Variants in COL2A1 observed in about 807,000 individuals in gnomAD.
The protein encoded by COL2A1 is collagen type II alpha 1 chain, also known as collagen alpha-1(II) chain.
COL2A1 carries 28 observed loss-of-function variants against 204.5 expected under a neutral mutation model. That is an observed-to-expected ratio of 0.14 (90% confidence interval 0.10 to 0.19). COL2A1 has a LOEUF of 0.19. Among genes scored for constraint, COL2A1 ranks in the 10% least tolerant of loss-of-function variants. COL2A1 has a pLI of 1.00. For synonymous variants in COL2A1, 708 were observed against 718.7 expected (o/e 0.99, Z 0.24); for missense variants, 1,388 against 2,027.5 (o/e 0.68, Z 6.06).
At chr12:47,997,746 G>C in intron 6 of COL2A1, 39 bp from the exon 7 acceptor site, 1 of 1,613,938 alleles carries the variant, frequency 6.2e-7, no homozygotes, top group South Asian at 1.1e-5. Flanking sequence ...GGGAAGCAGT[G>C]TTTCTCCAAG....
At chr12:48,001,023 C>T (rs998029993) in intron 1 of COL2A1, 2 of 152,296 alleles carry the variant, frequency 1.3e-5, no homozygotes, top group African/African-American at 4.8e-5. Context: ...GGCCTGGCCT[C>T]CTCCAAGACT....
chr12:47,987,145 A>T lies in COL2A1; in HGVS notation c.1298T>A (p.Phe433Tyr). The change falls in exon 21 of 54, where the codon TTC becomes TAC. Residue 433 changes from phenylalanine (F) to tyrosine (Y), a missense_variant. Phe to Tyr is a conservative substitution (Grantham distance 22, BLOSUM62 3). Around this residue, in one of 3 missense-constraint regions of COL2A1, gnomAD observed 884 missense variants for 1,415.8 expected, o/e 0.62. Transcript: ENST00000380518. This position sits in a 1 kb window ranked among gnomAD's most constrained non-coding sequence, Gnocchi z 4.1. Reference protein sequence around the residue: ...GAPGIAGAPGFPGPRGPPGPQ... With the variant: ...GAPGIAGAPGYPGPRGPPGPQ... ...GCCAGGAGGGCCCCGTGGCCCAGGG[A>T]AGCCAGGAGCACCAGCAATGCCAGG... The T allele has an allele frequency of 6.2e-7, 1 of 1,614,052 alleles. No individual in the cohort carries two copies. Among genetic ancestry groups the T allele is most frequent in the South Asian group, 1.1e-5 (1 of 91,084 alleles).
At position 47,998,080 on chromosome 12, in the gene COL2A1, C is replaced by A. The variant is rs771642342; in HGVS notation, c.343-16G>T. 6.2e-7 allele frequency: 1 copy of A among 1,614,190 alleles called. No homozygotes were observed. The highest frequency in any genetic ancestry group is 8.5e-7 in the Non-Finnish European group (1 of 1,180,030). ...GTCCTACAATCTGTGAGAGAGAGCC[C>A]CACAGGATGGTAAGTTAGAGGAGAG... On this transcript the variant is annotated splice_polypyrimidine_tract_variant and intron_variant, in intron 4 of 53. Coordinates refer to ENST00000380518, the MANE Select transcript of COL2A1 (RefSeq NM_001844.5).
Position 47,987,386 on chromosome 12 carries a change from A to T in COL2A1, c.1222-73T>A. ...CCACCTCCAGCCCTCCAGGATCCAGATCCAGGGACCTGGCATAGGTGCTGT... is the reference window on the plus strand; with the variant it reads ...CCACCTCCAGCCCTCCAGGATCCAGTTCCAGGGACCTGGCATAGGTGCTGT... On this transcript the variant is annotated intron_variant, in intron 19 of 53. Coordinates refer to ENST00000380518, the MANE Select transcript of COL2A1 (RefSeq NM_001844.5). This position sits in a 1 kb window ranked among gnomAD's most constrained non-coding sequence, Gnocchi z 4.1. The T allele has an allele frequency of 6.6e-7, 1 of 1,511,194 alleles. No homozygotes were observed. 93.6% of individuals were successfully genotyped at this position (1,511,194 alleles called of 1,614,324 possible). A position where few individuals can be genotyped will look rare whatever the true frequency, so the allele number is the denominator to read the frequency against.
intron 16 of COL2A1, among the ~76,000 whole-genome samples, chr12:47,991,889 G>C (rs1431777435): frequency 6.6e-6 from 1 of 152,102 alleles, no homozygotes; most frequent in African/African-American, 2.4e-5. Context: ...CACTTCAGCA[G>C]CTCTGGCTGA....
upstream of COL2A1, among the ~76,000 whole-genome samples, chr12:48,005,009 G>T (rs967531108): frequency 4.6e-5 from 7 of 152,192 alleles, no homozygotes; most frequent in Non-Finnish European, 8.8e-5. Flanking sequence ...TTGGAGACAG[G>T]CTAGCTGAGC....
At chr12:47,996,767 AC>A (rs1939985370) in intron 7 of COL2A1, 142 bp from the exon 8 acceptor site, 1 of 777,054 alleles carries the variant, frequency 1.3e-6, no homozygotes, top group African/African-American at 1.7e-5. Context: ...GATCAGAATT[AC>A]CACTGATGCC....
chr12:47,992,744 C>T, intron 16 of COL2A1, 134 bp downstream of exon 16: 2 of 921,794 alleles, frequency 2.2e-6, no homozygotes, highest in Non-Finnish European at 3.5e-6. Flanking sequence ...TTGATGGGCA[C>T]ACTGGGGGTG....
chr12:47,993,285 A>C (rs866936289), intron 15 of COL2A1, among the ~76,000 whole-genome samples, 173 bp downstream of exon 15: 24 of 152,210 alleles, frequency 1.6e-4, no homozygotes, highest in African/African-American at 5.5e-4. Flanking sequence ...TATCTTAAGG[A>C]AATGTTGGTG....
chr12:47,997,618 A>G lies in COL2A1; in HGVS notation c.519T>C (p.Pro173=). Residue 173 remains proline (P), a synonymous_variant, in exon 7 of 54, where the codon CCT becomes CCC. Transcript: ENST00000380518. ...TAAGGATACTTACTCCACCAAGACC[A>G]GGGGGACCAGGGGGGCCGGGAGGAC... The part of the protein sequence containing the change: ...PPGPPGPPGP[P]GLGGNFAAQM... 6.2e-7 allele frequency: 1 copy of G among 1,613,820 alleles called. No individual in the cohort carries two copies. Among genetic ancestry groups the G allele is most frequent in the Non-Finnish European group, 8.5e-7 (1 of 1,179,934 alleles).
Position 47,976,834 on chromosome 12 carries a change from A to T in COL2A1, c.3413T>A (p.Leu1138Gln). 3 of 1,613,434 alleles carry T rather than the reference A, an allele frequency of 1.9e-6. No homozygotes were observed. The highest frequency in any genetic ancestry group is 1.7e-6 in the Non-Finnish European group (2 of 1,179,800). ...GLKGHRGFTG[L>Q]QGLPGPPGPS... ...CACAGGAGGGCCGGGCAGACCCTGCAGACCAGTGAAGCCACGGTGTCCCTT... is the reference window on the plus strand; with the variant it reads ...CACAGGAGGGCCGGGCAGACCCTGCTGACCAGTGAAGCCACGGTGTCCCTT... The change falls in exon 48 of 54, where the codon CTG becomes CAG. Residue 1138 changes from leucine to glutamine, a missense_variant. By Grantham distance (113) the Leu-to-Gln change is moderately radical. Transcript: ENST00000380518. This position sits in a 1 kb window ranked among gnomAD's most constrained non-coding sequence, Gnocchi z 4.3.
chr12:47,974,307 C>G lies in COL2A1; in HGVS notation c.4099G>C (p.Ala1367Pro), dbSNP rs762876704. Residue 1367 changes from alanine (A) to proline (P), a missense_variant, in exon 53 of 54, where the codon GCT becomes CCT. Transcript: ENST00000380518. ...FHFSYGDDNL[A>P]PNTANVQMTF... Reference sequence around the variant, plus strand: ...ATCTGGACGTTGGCAGTGTTGGGAGCCAGATTGTCATCTCCATAGCTGAAC... The same window carrying G: ...ATCTGGACGTTGGCAGTGTTGGGAGGCAGATTGTCATCTCCATAGCTGAAC... The G allele has an allele frequency of 1.2e-6, 2 of 1,614,054 alleles. No individual in the cohort carries two copies. Among genetic ancestry groups the G allele is most frequent in the Non-Finnish European group, 1.7e-6 (2 of 1,180,030 alleles).
At chr12:47,985,629 C>T (rs760438898) in intron 25 of COL2A1, 42 bp from the exon 26 acceptor site, 3 of 1,612,062 alleles carry the variant, frequency 1.9e-6, no homozygotes, top group South Asian at 2.2e-5. Context: ...AGGAGCCGGC[C>T]CCAGGACCTC....
intron 36 of COL2A1, 142 bp from the exon 37 acceptor site, chr12:47,981,538 A>ACCC (rs1939082878): frequency 3.3e-6 from 3 of 902,252 alleles, no homozygotes; most frequent in Non-Finnish European, 5.3e-6. Context: ...TGTGCAGCCC[A>ACCC]TACCCGCACC....
chr12:47,981,077 G>A lies in COL2A1; in HGVS notation c.2464-109C>T, dbSNP rs550872467. 163 of 1,195,494 alleles carry A rather than the reference G, an allele frequency of 1.4e-4. 1 individual carries two copies. Among genetic ancestry groups the A allele is most frequent in the African/African-American group, 7.8e-4 (51 of 65,666 alleles). The allele number at this position is 1,195,494 out of a possible 1,614,324, so 74.1% of individuals were successfully genotyped here. Reference sequence around the variant, plus strand: ...GCCCAGCCTCCTGTTCCCCAGAGACGGGGATCTGAAAGCAGCCTTAGTCCT... The same window carrying A: ...GCCCAGCCTCCTGTTCCCCAGAGACAGGGATCTGAAAGCAGCCTTAGTCCT... On this transcript the variant is annotated intron_variant, in intron 37 of 53. Transcript: ENST00000380518.
intron 6 of COL2A1, 41 bp downstream of exon 6, chr12:47,997,830 G>T: frequency 6.2e-7 from 1 of 1,612,558 alleles, no homozygotes. Flanking sequence ...TGGGGGACCT[G>T]GGAAGTCCAC....
At position 47,981,380 on chromosome 12, in the gene COL2A1, G is replaced by A. The variant is rs1443730468; in HGVS notation, c.2426C>T (p.Pro809Leu). The change falls in exon 37 of 54, where the codon CCT (proline) becomes CTT (leucine). Residue 809 changes from proline to leucine, a missense_variant. By Grantham distance (98) the Pro-to-Leu change is moderately conservative. Transcript: ENST00000380518. ...AGCACCAGCACTTCCTGCAGGACCAGGAGGTCCAACTTCTCCCTGAGGGTG... is the reference window on the plus strand; with the variant it reads ...AGCACCAGCACTTCCTGCAGGACCAAGAGGTCCAACTTCTCCCTGAGGGTG... ...ANGEKGEVGP[P>L]GPAGSAGARG... 4 of 1,612,414 alleles carry A rather than the reference G, an allele frequency of 2.5e-6. No homozygotes were observed. Among genetic ancestry groups the A allele is most frequent in the Non-Finnish European group, 3.4e-6 (4 of 1,179,756 alleles).
At position 47,973,071 on chromosome 12, in the gene COL2A1, G is replaced by A. The variant is rs1200590019; in HGVS notation, c.*336C>T. ...ATTGTGTAGGACACACACAGTTCCT[G>A]CGCCCGGCACCTGAAGGGAGGTCTT... On this transcript the variant is annotated 3_prime_UTR_variant, in exon 54 of 54. Transcript: ENST00000380518. 1.3e-5 allele frequency: 8 copies of A among 595,960 alleles called. No homozygotes were observed. Among genetic ancestry groups the A allele is most frequent in the Admixed American group, 2.9e-5 (1 of 33,902 alleles). The allele number at this position is 595,960 out of a possible 1,614,324, so 36.9% of individuals were successfully genotyped here.
At chr12:47,994,504 G>C (rs1592230982) in intron 11 of COL2A1, 27 bp from the exon 12 acceptor site, 1 of 1,612,876 alleles carries the variant, frequency 6.2e-7, no homozygotes, top group Non-Finnish European at 8.5e-7. Context: ...AGATATCCCA[G>C]CTTCCTCAGA....
Sources: gnomAD v4.1 joint callset for allele counts (sites outside exome capture counted in the v4.1 genomes callset) on GRCh38, gnomAD v4.1.1 for gene constraint, gnomAD v4.1.1 regional missense constraint, Gnocchi (gnomAD v3.1) non-coding constraint, MANE v1.5 for transcripts, NCBI Gene and HGNC (gene_info 2026-07-23, HGNC 2026-07-21) for gene names.